The following DISP1 variants were observed in gnomAD, a reference collection of about 807,000 sequenced individuals.
DISP1 encodes the protein protein dispatched homolog 1.
A neutral mutation model predicts 37.3 loss-of-function variants in DISP1; 30 were observed. The observed-to-expected ratio is 0.80, with a 90% confidence interval of 0.60 to 1.09. The LOEUF is 1.09. Ranked by LOEUF, DISP1 falls within the 50% of genes least tolerant of loss-of-function variation. The pLI, the probability that DISP1 is intolerant of heterozygous loss-of-function variation, is 0.00. For synonymous variants in DISP1, 634 were observed against 690.2 expected, an observed-to-expected ratio of 0.92 and a Z score of 1.28; for missense variants, 1,598 against 1,879.5, an observed-to-expected ratio of 0.85 and a Z score of 2.77.
rs201957626 is a variant in DISP1, at chr1:223,003,852, G to A, written c.2455G>A (p.Ala819Thr). 1.9e-5 allele frequency: 31 copies of A among 1,614,100 alleles called. No individual in the cohort carries two copies. The East Asian group carries it at 2.2e-4, about 12-fold the overall frequency. ...GACATTAGATAGCAGTTTTAACATC[G>A]CCAGCCCAGCTTCCCAGGCCTGGAT... ...KLTLDSSFNI[A>T]SPASQAWILH... Residue 819 changes from alanine (A) to threonine (T), a missense_variant, in exon 9 of 9, where the codon GCC becomes ACC. By Grantham distance (58) the Ala-to-Thr change is moderately conservative. Transcript: ENST00000675850. This position sits in a 1 kb window ranked among gnomAD's most constrained non-coding sequence, Gnocchi z 4.3.
intron 2 of DISP1, among the ~76,000 whole-genome samples, chr1:222,941,858 T>TGTA (rs1307553584): frequency 6.6e-6 from 1 of 152,042 alleles, no homozygotes; most frequent in African/African-American, 2.4e-5. Context: ...GTTTTCTTTT[T>TGTA]GTTGTTGTTG....
chr1:222,944,270 A>G lies in DISP1; in HGVS notation c.509+938A>G, dbSNP rs867036320. ...ACCTTGAAAAGTACTAGAAAAATCA[A>G]TATCATTGCCAGTGCTTATTTCCAC... On this transcript the variant is annotated intron_variant, in intron 3 of 8. Transcript: ENST00000675850. Among the ~76,000 whole-genome samples the G allele has an allele frequency of 5.3e-5, 8 of 152,222 alleles. No individual in the cohort carries two copies. In the South Asian group the frequency reaches 6.2e-4, roughly 12 times the overall value.
chr1:222,983,009 C>A (rs892510633), intron 3 of DISP1, 71 bp from the exon 4 acceptor site: 5 of 1,161,028 alleles, frequency 4.3e-6, no homozygotes, highest in Non-Finnish European at 6.3e-6. Context: ...ATATGTAAAG[C>A]CTTTGTTTAT....
In DISP1 at chr1:222,867,065, T is replaced by C. The variant is rs565732380; in HGVS notation, c.-159+51987T>C. On this transcript the variant is annotated intron_variant, in intron 1 of 8. Transcript: ENST00000675850. ...TATCCCTAGTACAAAGCATCTATTA[T>C]GTGCAACTGGCACATTTTAAATACT... Among the ~76,000 whole-genome samples the C allele has an allele frequency of 3.9e-5, 6 of 152,336 alleles. No individual in the cohort carries two copies. The South Asian group carries it at 1.2e-3, about 32-fold the overall frequency.
chr1:222,977,798 T>C (rs1572678367), intron 3 of DISP1, among the ~76,000 whole-genome samples: 1 of 152,168 alleles, frequency 6.6e-6, no homozygotes, highest in East Asian at 1.9e-4. Context: ...TGGTTTTTTG[T>C]CCTTGCGATA....
rs1364879501 is a variant in DISP1 at position 222,893,289 on chromosome 1, T to G, written c.-158-35141T>G. On this transcript the variant is annotated intron_variant, in intron 1 of 8. Transcript: ENST00000675850. The surrounding 1 kb of genome is among the most constrained non-coding windows in gnomAD (Gnocchi z 4.3). ...ATTATTCACTGTATATAATAATTACTGTCACTCATTATTGTCATGGGATCC... is the reference window on the plus strand; with the variant it reads ...ATTATTCACTGTATATAATAATTACGGTCACTCATTATTGTCATGGGATCC... Among the ~76,000 whole-genome samples the G allele has an allele frequency of 6.6e-6, 1 of 152,266 alleles. No individual in the cohort carries two copies. Among genetic ancestry groups the G allele is most frequent in the Non-Finnish European group, 1.5e-5 (1 of 68,040 alleles).
At chr1:222,872,628 T>C (rs1356026019) in intron 1 of DISP1, among the ~76,000 whole-genome samples, 1 of 152,226 alleles carries the variant, frequency 6.6e-6, no homozygotes, top group Admixed American at 6.5e-5. Context: ...ATATCCCCTT[T>C]GTCATTTTTT....
intron 1 of DISP1, among the ~76,000 whole-genome samples, chr1:222,869,645 G>A (rs17163533): frequency 0.12 from 18,677 of 152,058 alleles, 1,310 homozygotes; most frequent in East Asian, 0.3. Flanking sequence ...AGGATTAGTT[G>A]ATACAGGCTA....
Position 223,004,141 on chromosome 1 carries a change from A to G in DISP1, c.2744A>G (p.Asp915Gly). 1 of 1,614,210 alleles carries G rather than the reference A, an allele frequency of 6.2e-7. No individual in the cohort carries two copies. The highest frequency in any genetic ancestry group is 8.5e-7 in the Non-Finnish European group (1 of 1,180,024). Reference protein sequence around the residue: ...LDSKTPGPRFDINDTIRAVVL... With the variant: ...LDSKTPGPRFGINDTIRAVVL... ...AGCAAAACCCCAGGGCCGAGGTTTG[A>G]TATCAATGATACTATCAGGGCAGTG... is the stretch of plus-strand genomic sequence containing the variant. The change falls in exon 9 of 9, where the codon GAT becomes GGT. Residue 915 changes from aspartate to glycine, a missense_variant. Transcript: ENST00000675850. The surrounding 1 kb of genome is among the most constrained non-coding windows in gnomAD (Gnocchi z 4.9).
intron 2 of DISP1, among the ~76,000 whole-genome samples, chr1:222,936,537 C>CTATA (rs1305804923): frequency 1.6e-5 from 2 of 123,762 alleles, no homozygotes; most frequent in African/African-American, 6.0e-5. Context: ...GTCTCTCTCT[C>CTATA]TCTCTATATA....
At chr1:222,920,294 GT>G (rs1005374253) in intron 1 of DISP1, among the ~76,000 whole-genome samples, 2 of 152,096 alleles carry the variant, frequency 1.3e-5, no homozygotes, top group Non-Finnish European at 2.9e-5. Context: ...CCTGCCAAGA[GT>G]TTCTATCATA....
intron 1 of DISP1, among the ~76,000 whole-genome samples, chr1:222,883,780 A>G (rs978067788): frequency 2.6e-5 from 4 of 152,248 alleles, no homozygotes; most frequent in African/African-American, 7.2e-5. Context: ...CTGGAAGTGT[A>G]CGCTGTGTAG....
chr1:222,828,568 G>A (rs1187700765), intron 1 of DISP1, among the ~76,000 whole-genome samples: 1 of 152,070 alleles, frequency 6.6e-6, no homozygotes, highest in Non-Finnish European at 1.5e-5. Flanking sequence ...AAGCTGAAAT[G>A]TTTTTTAATT....
chr1:222,881,096 T>A (rs759502037), intron 1 of DISP1, among the ~76,000 whole-genome samples: 4 of 152,170 alleles, frequency 2.6e-5, no homozygotes, highest in Non-Finnish European at 4.4e-5. Context: ...TTTAGAAAAG[T>A]GTTATATATA....
chr1:222,950,959 A>G (rs1675177440), intron 3 of DISP1, among the ~76,000 whole-genome samples: 1 of 152,128 alleles, frequency 6.6e-6, no homozygotes, highest in African/African-American at 2.4e-5. Flanking sequence ...GTAACAGAGG[A>G]CTCCATAAAT....
chr1:222,832,502 G>T (rs985105640), intron 1 of DISP1, among the ~76,000 whole-genome samples: 1 of 152,138 alleles, frequency 6.6e-6, no homozygotes, highest in African/African-American at 2.4e-5. Context: ...AGTATTTCAC[G>T]TAGAAGTTTT....
chr1:222,947,747 G>GATTCAC (rs1674900614), intron 3 of DISP1, among the ~76,000 whole-genome samples: 1 of 151,720 alleles, frequency 6.6e-6, no homozygotes, highest in Non-Finnish European at 1.5e-5. Context: ...CATCCTAATT[G>GATTCAC]ATGTGAGATT....
At chr1:222,886,083 A>T (rs537504661) in intron 1 of DISP1, among the ~76,000 whole-genome samples, 4 of 152,356 alleles carry the variant, frequency 2.6e-5, no homozygotes, top group South Asian at 2.1e-4. Flanking sequence ...GAGTTCCTCC[A>T]TGTCTATCAT....
intron 3 of DISP1, among the ~76,000 whole-genome samples, chr1:222,970,388 A>C (rs1676846070): frequency 6.6e-6 from 1 of 152,140 alleles, no homozygotes; most frequent in Non-Finnish European, 1.5e-5. Flanking sequence ...AGCCGTTCAC[A>C]TAAAGAGCCG....
Sources: gnomAD v4.1 joint callset for allele counts (sites outside exome capture counted in the v4.1 genomes callset) on GRCh38, gnomAD v4.1.1 for gene constraint, Gnocchi (gnomAD v3.1) non-coding constraint, MANE v1.5 for transcripts, NCBI Gene and HGNC (gene_info 2026-07-23, HGNC 2026-07-21) for gene names.